NMNAT1: variants seen among roughly 807,000 people sequenced by gnomAD.
NMNAT1 encodes the protein nicotinamide nucleotide adenylyltransferase 1.
A neutral mutation model predicts 16.7 loss-of-function variants in NMNAT1; 11 were observed. The ratio of observed to expected loss-of-function variants is 0.66; its 90% CI spans 0.41 to 1.09. The LOEUF is 1.09. Ranked by LOEUF, NMNAT1 falls within the 50% of genes least tolerant of loss-of-function variation. The pLI is 0.00. For missense variants in NMNAT1, 280 were observed against 332.3 expected, an observed-to-expected ratio of 0.84 and a Z score of 1.22; for synonymous variants, 110 against 119.8, an observed-to-expected ratio of 0.92 and a Z score of 0.53.
chr1:9,986,599 C>T (rs1642048512), downstream of NMNAT1, among the ~76,000 whole-genome samples: 1 of 152,158 alleles, frequency 6.6e-6, no homozygotes, highest in Non-Finnish European at 1.5e-5. Flanking sequence ...AAAACATGTA[C>T]TGGCTGGGCA....
chr1:9,994,421 G>A, the NMNAT1 span, among the ~76,000 whole-genome samples: 1 of 150,844 alleles, frequency 6.6e-6, no homozygotes, highest in Non-Finnish European at 1.5e-5. Flanking sequence ...CCAAATGTTA[G>A]CTTTTATTTT....
chr1:9,964,929 CAAA>C (rs775381643), intron 1 of NMNAT1, among the ~76,000 whole-genome samples: 9 of 33,440 alleles, frequency 2.7e-4, no homozygotes, highest in Non-Finnish European at 3.3e-4. Context: ...ACCTGGGCGA[CAAA>C]AAAAAAAAAA....
chr1:9,993,297 G>A, the NMNAT1 span, among the ~76,000 whole-genome samples: 1 of 151,942 alleles, frequency 6.6e-6, no homozygotes, highest in Non-Finnish European at 1.5e-5. Flanking sequence ...TGACCGATAC[G>A]GTGAAACCTC....
At chr1:9,988,633 G>A (rs1471560740), downstream of NMNAT1, among the ~76,000 whole-genome samples, 5 of 147,108 alleles carry the variant, frequency 3.4e-5, no homozygotes, top group Non-Finnish European at 7.4e-5. Flanking sequence ...AACCTGGGGA[G>A]GCAGAGGTTA....
At chr1:9,974,099 A>G (rs1641752763) in intron 2 of NMNAT1, among the ~76,000 whole-genome samples, 1 of 152,136 alleles carries the variant, frequency 6.6e-6, no homozygotes, top group Non-Finnish European at 1.5e-5. Flanking sequence ...CGGCCTCCCA[A>G]AGTGCTGGAA....
chr1:9,965,964 G>C (rs1450627293), intron 1 of NMNAT1, among the ~76,000 whole-genome samples: 1 of 149,358 alleles, frequency 6.7e-6, no homozygotes, highest in Non-Finnish European at 1.5e-5. Flanking sequence ...CTCCAGCCTG[G>C]GCAACACACC....
chr1:9,951,427 C>G (rs1641106728), intron 1 of NMNAT1: 1 of 152,116 alleles, frequency 6.6e-6, no homozygotes, highest in Non-Finnish European at 1.5e-5. Flanking sequence ...TTGCTGTATA[C>G]TGTGCCAAAC....
rs775213498 is a variant in NMNAT1 at position 9,972,130 on chromosome 1, C to T, written c.57C>T (p.Pro19=). The T allele has an allele frequency of 1.3e-5, 21 of 1,612,906 alleles. No homozygotes were observed. Among genetic ancestry groups the T allele is most frequent in the Non-Finnish European group, 1.8e-5 (21 of 1,179,138 alleles). The part of the protein sequence containing the change: ...VVLLACGSFN[P]ITNMHLRLFE... Reference sequence around the variant, plus strand: ...TCCTTGCTTGTGGTTCATTCAATCCCATCACCAACATGCACCTCAGGTTGT... The same window carrying T: ...TCCTTGCTTGTGGTTCATTCAATCCTATCACCAACATGCACCTCAGGTTGT... The change falls in exon 2 of 5, where the codon CCC becomes CCT. Residue 19 remains proline (P), a synonymous_variant. Coordinates refer to ENST00000377205, the MANE Select transcript of NMNAT1 (RefSeq NM_022787.4).
At chr1:9,952,852 A>G (rs1484694290) in intron 1 of NMNAT1, among the ~76,000 whole-genome samples, 1 of 152,004 alleles carries the variant, frequency 6.6e-6, no homozygotes, top group East Asian at 1.9e-4. Flanking sequence ...AACATATTTG[A>G]GCCACCACGC....
Position 9,982,952 on chromosome 1 carries a change from A to G in NMNAT1, c.*251A>G, listed in dbSNP as rs552145335. 12 of 327,002 alleles carry G rather than the reference A, an allele frequency of 3.7e-5. No individual in the cohort carries two copies. The Admixed American group carries it at 5.7e-4, about 16-fold the overall frequency. The allele number at this position is 327,002 out of a possible 1,614,324, so 20.3% of individuals were successfully genotyped here. A position where few individuals can be genotyped will look rare whatever the true frequency, so the allele number is the denominator to read the frequency against. On this transcript the variant is annotated 3_prime_UTR_variant, in exon 5 of 5. Transcript: ENST00000377205. ...GAAACCCCATCTCTACTAAAAATAC[A>G]AAAATTAGCTGTGTGTGGTGGCACG...
chr1:9,995,272 G>C, the NMNAT1 span, among the ~76,000 whole-genome samples: 1 of 150,728 alleles, frequency 6.6e-6, no homozygotes. Context: ...GGTGGCACAT[G>C]CCTGTAGTTG....
chr1:9,945,690 T>G (rs897385185), intron 1 of NMNAT1, among the ~76,000 whole-genome samples: 5 of 152,132 alleles, frequency 3.3e-5, no homozygotes, highest in African/African-American at 7.2e-5. Flanking sequence ...TGAGACTCGG[T>G]CTCAAAAAAA....
chr1:9,955,334 G>A (rs1262833371), intron 1 of NMNAT1, among the ~76,000 whole-genome samples: 1 of 151,684 alleles, frequency 6.6e-6, no homozygotes, highest in Non-Finnish European at 1.5e-5. Context: ...AACCCGGGAG[G>A]CGGAGGTTGC....
intron 1 of NMNAT1, among the ~76,000 whole-genome samples, chr1:9,963,847 T>C (rs1641482517): frequency 1.3e-5 from 2 of 152,228 alleles, no homozygotes; most frequent in Non-Finnish European, 2.9e-5. Context: ...GGCCAAGTTA[T>C]TTTTTTGCAG....
Position 9,982,695 on chromosome 1 carries a change from G to T in NMNAT1, c.834G>T (p.Lys278Asn). The change falls in exon 5 of 5, where the codon AAG (lysine) becomes AAT (asparagine). Residue 278 changes from lysine to asparagine, a missense_variant. By Grantham distance (94) the Lys-to-Asn change is moderately conservative. Coordinates refer to ENST00000377205, the MANE Select transcript of NMNAT1 (RefSeq NM_022787.4). ...TGCAGAGAAACACTGCAGAAGCTAA[G>T]ACATAGGAATTCTACAGCATGATAT... The part of the protein sequence containing the change: ...APLQRNTAEA[K>N]T 6.2e-7 allele frequency: 1 copy of T among 1,602,000 alleles called. No individual in the cohort carries two copies. Among genetic ancestry groups the T allele is most frequent in the South Asian group, 1.1e-5 (1 of 89,494 alleles).
chr1:9,950,152 G>A (rs551994170), intron 1 of NMNAT1, among the ~76,000 whole-genome samples: 3 of 152,190 alleles, frequency 2.0e-5, no homozygotes, highest in African/African-American at 4.8e-5. Flanking sequence ...GGGCAGTGAC[G>A]CAATCTCGGC....
intron 1 of NMNAT1, 125 bp from the exon 2 acceptor site, chr1:9,971,893 C>T (rs1446528987): frequency 1.8e-6 from 1 of 540,810 alleles, no homozygotes; most frequent in East Asian, 3.2e-5. Context: ...TCACTTGAGC[C>T]CAGAAGTTTG....
At chr1:9,942,995 G>T (rs1484327693), upstream of NMNAT1, 2 of 341,882 alleles carry the variant, frequency 5.8e-6, no homozygotes, top group Middle Eastern at 1.0e-3. Context: ...ACGCCTTGAG[G>T]GATGGCGTCA....
intron 1 of NMNAT1, among the ~76,000 whole-genome samples, chr1:9,962,688 T>TTG (rs1557463790): frequency 1.5e-5 from 2 of 132,662 alleles, no homozygotes; most frequent in East Asian, 4.5e-4. Flanking sequence ...TTTTTTTTTT[T>TTG]TTTTTTTTTT....
Sources: allele counts gnomAD v4.1 joint callset (sites outside exome capture counted in the v4.1 genomes callset), GRCh38; gene constraint gnomAD v4.1.1; transcripts MANE v1.5; gene names NCBI Gene and HGNC (gene_info 2026-07-23, HGNC 2026-07-21).